The following MTFR1 variants were observed in gnomAD, a reference collection of about 807,000 sequenced individuals.
The protein encoded by MTFR1 is mitochondrial fission regulator 1, also known as chondrocyte protein with a poly-proline region.
MTFR1 carries 28 observed loss-of-function variants against 38.8 expected under a neutral mutation model. The ratio of observed to expected loss-of-function variants is 0.72; its 90% CI spans 0.53 to 0.99. The LOEUF is 0.99. Among genes scored for constraint, MTFR1 ranks in the 50% least tolerant of loss-of-function variants. The probability of loss-of-function intolerance (pLI) is 0.00; values close to 1 mark genes in which losing one functional copy is unlikely to be tolerated. For missense variants in MTFR1, 358 were observed against 395.5 expected, an observed-to-expected ratio of 0.91 and a Z score of 0.81; for synonymous variants, 145 against 137.0, an observed-to-expected ratio of 1.06 and a Z score of -0.41.
intron 2 of MTFR1, among the ~76,000 whole-genome samples, chr8:65,716,389 GGCTT>G (rs1310930214): frequency 2.0e-5 from 3 of 152,118 alleles, no homozygotes; most frequent in Non-Finnish European, 1.5e-5. Flanking sequence ...ACTGAAACAA[GGCTT>G]GAGGTAATGA....
intron 1 of MTFR1, among the ~76,000 whole-genome samples, chr8:65,662,744 G>A (rs1227968601): frequency 1.5e-5 from 2 of 136,346 alleles, no homozygotes; most frequent in African/African-American, 5.3e-5. Flanking sequence ...CCCTCCGCCC[G>A]GCAGCCACCC....
chr8:65,751,466 C>T (rs1453682821), intron 3 of MTFR1, among the ~76,000 whole-genome samples: 1 of 152,040 alleles, frequency 6.6e-6, no homozygotes, highest in East Asian at 1.9e-4. Flanking sequence ...CTATTGTATC[C>T]TTCCTGAGGT....
At chr8:65,679,581 C>T (rs1804815706) in intron 2 of MTFR1, 2 of 152,322 alleles carry the variant, frequency 1.3e-5, no homozygotes, top group South Asian at 4.1e-4. Context: ...GCCGAGATTG[C>T]TCCACTTCAC....
intron 3 of MTFR1, chr8:65,722,762 T>G (rs1260076411): frequency 1.3e-5 from 2 of 152,254 alleles, no homozygotes; most frequent in Non-Finnish European, 2.9e-5. Flanking sequence ...GGCCTCGTGC[T>G]TCTGGTGTGG....
At chr8:65,702,297 C>CTTTTTTTTTTTTTTTTTTTTTTTTTTTTT in intron 4 of MTFR1, among the ~76,000 whole-genome samples, 1 of 110,268 alleles carries the variant, frequency 9.1e-6, no homozygotes, top group East Asian at 2.8e-4. Context: ...TTCTTTCTTT[C>CTTTTTTTTTTTTTTTTTTTTTTTTTTTTT]TTTTTTTTTT....
At chr8:65,645,070 A>G (rs1221705795) in intron 1 of MTFR1, among the ~76,000 whole-genome samples, 1 of 151,856 alleles carries the variant, frequency 6.6e-6, no homozygotes, top group Non-Finnish European at 1.5e-5. Flanking sequence ...CCGCCAATCT[A>G]CCCCTACACC....
intron 3 of MTFR1, chr8:65,727,299 A>G (rs766896932): frequency 3.7e-6 from 6 of 1,612,338 alleles, no homozygotes; most frequent in Non-Finnish European, 5.1e-6. Flanking sequence ...CAGAATTGGC[A>G]AGCTGAAGTG....
At chr8:65,649,186 CT>C (rs869166561) in intron 1 of MTFR1, among the ~76,000 whole-genome samples, 48 of 146,062 alleles carry the variant, frequency 3.3e-4, no homozygotes, top group Admixed American at 4.1e-4. Flanking sequence ...TTTTATATTT[CT>C]TTTTTTTTTT....
intron 3 of MTFR1, among the ~76,000 whole-genome samples, chr8:65,735,859 A>G (rs1807108300): frequency 6.6e-6 from 1 of 152,148 alleles, no homozygotes. Context: ...TCCTGACCTC[A>G]GGTGATCCAC....
chr8:65,773,480 C>T (rs1809169535), downstream of MTFR1, among the ~76,000 whole-genome samples: 1 of 152,130 alleles, frequency 6.6e-6, no homozygotes, highest in Non-Finnish European at 1.5e-5. Flanking sequence ...TTCTAAATAC[C>T]ATACTACAAA....
At chr8:65,758,643 T>C (rs1808348626) in intron 3 of MTFR1, among the ~76,000 whole-genome samples, 1 of 152,230 alleles carries the variant, frequency 6.6e-6, no homozygotes, top group Admixed American at 6.5e-5. Flanking sequence ...TCAATTGCCA[T>C]TTCTACTTAT....
At chr8:65,729,364 C>CTTTTT (rs10540107) in intron 3 of MTFR1, among the ~76,000 whole-genome samples, 7 of 80,072 alleles carry the variant, frequency 8.7e-5, no homozygotes, top group Admixed American at 1.5e-4. Flanking sequence ...TTGGTGGTAG[C>CTTTTT]TTTTTTTTTT....
chr8:65,749,143 T>A (rs545072320), intron 3 of MTFR1, among the ~76,000 whole-genome samples: 135 of 152,346 alleles, frequency 8.9e-4, no homozygotes, highest in Non-Finnish European at 1.7e-3. Context: ...AAGCTCCCTG[T>A]GCATTCATCT....
intron 1 of MTFR1, among the ~76,000 whole-genome samples, chr8:65,663,757 C>CTCCCCT (rs1290280105): frequency 1.3e-5 from 2 of 149,870 alleles, no homozygotes; most frequent in South Asian, 2.1e-4. Flanking sequence ...TTCTTTCCCC[C>CTCCCCT]TCCCCTTCCC....
chr8:65,727,318 G>A (rs372447588), intron 3 of MTFR1: 2 of 1,611,840 alleles, frequency 1.2e-6, no homozygotes, highest in Non-Finnish European at 1.7e-6. Context: ...TGTGACAAAA[G>A]AATAATGAAT....
chr8:65,721,506 A>C (rs1345812427), intron 3 of MTFR1, among the ~76,000 whole-genome samples: 1 of 152,150 alleles, frequency 6.6e-6, no homozygotes, highest in African/African-American at 2.4e-5. Context: ...CCGGTCCCCT[A>C]GGGTTGTTGT....
At chr8:65,693,107 A>G (rs1805331124) in intron 3 of MTFR1, among the ~76,000 whole-genome samples, 1 of 152,134 alleles carries the variant, frequency 6.6e-6, no homozygotes, top group African/African-American at 2.4e-5. Flanking sequence ...AGTTTTTTAA[A>G]AAATCAACTT....
chr8:65,655,805 T>C lies in MTFR1; in HGVS notation c.-81+11021T>C, dbSNP rs539324035. ...TCTTTACTAAAAATACAAAATTAGC[T>C]GGGCATGGTGGTGCGCACCTGTAAT... is the stretch of plus-strand genomic sequence containing the variant. On this transcript the variant is annotated intron_variant, in intron 1 of 7. Coordinates refer to ENST00000262146, the MANE Select transcript of MTFR1 (RefSeq NM_014637.4). Among the ~76,000 whole-genome samples, 42 of 150,800 alleles carry C rather than the reference T, an allele frequency of 2.8e-4. 1 individual carries two copies. Among genetic ancestry groups the C allele is most frequent in the Admixed American group, 4.6e-4 (7 of 15,062 alleles).
chr8:65,741,291 T>C (rs1002175602), intron 3 of MTFR1, among the ~76,000 whole-genome samples: 2 of 152,178 alleles, frequency 1.3e-5, no homozygotes, highest in Admixed American at 6.5e-5. Flanking sequence ...AAATACACGA[T>C]TCTAGTATTC....
Sources: allele counts gnomAD v4.1 joint callset (sites outside exome capture counted in the v4.1 genomes callset), GRCh38; gene constraint gnomAD v4.1.1; transcripts MANE v1.5; gene names NCBI Gene and HGNC (gene_info 2026-07-23, HGNC 2026-07-21).